CCNF: variants seen among roughly 807,000 people sequenced by gnomAD.
CCNF encodes the protein cyclin F.
Under a neutral mutation model 85.4 loss-of-function variants are expected in CCNF, and 30 were observed. The observed-to-expected ratio is 0.35, with a 90% CI of 0.26 to 0.48. CCNF has a LOEUF of 0.48. Ranked by LOEUF, CCNF falls within the 20% of genes least tolerant of loss-of-function variation. CCNF has a pLI of 0.99. For synonymous variants in CCNF, 439 were observed against 425.1 expected (o/e 1.03, Z -0.40); for missense variants, 919 against 1,010.4 (o/e 0.91, Z 1.23).
At chr16:2,455,365 T>C (rs2141832430) in intron 15 of CCNF, 30 bp from the exon 16 acceptor site, 1 of 1,550,872 alleles carries the variant, frequency 6.4e-7, no homozygotes, top group Non-Finnish European at 8.8e-7. Context: ...CGTCCATGAC[T>C]GGGTCTCCTG....
intron 3 of CCNF, among the ~76,000 whole-genome samples, chr16:2,434,366 G>C (rs1226423738): frequency 6.6e-6 from 1 of 152,140 alleles, no homozygotes; most frequent in Non-Finnish European, 1.5e-5. Flanking sequence ...TGTAATCCCA[G>C]CACTTTGGGA....
At chr16:2,435,561 G>T (rs1424338067) in intron 3 of CCNF, among the ~76,000 whole-genome samples, 2 of 150,570 alleles carry the variant, frequency 1.3e-5, no homozygotes, top group Admixed American at 1.3e-4. Flanking sequence ...CTCCAGCCTG[G>T]GCAACAGAGC....
At chr16:2,434,682 C>T (rs1479555226) in intron 3 of CCNF, among the ~76,000 whole-genome samples, 2 of 152,182 alleles carry the variant, frequency 1.3e-5, no homozygotes, top group Non-Finnish European at 2.9e-5. Flanking sequence ...GAGAGTTGTA[C>T]AGACATCACC....
At chr16:2,442,783 T>TG (rs1567386382) in intron 8 of CCNF, among the ~76,000 whole-genome samples, 1 of 6,252 alleles carries the variant, frequency 1.6e-4, no homozygotes, top group Non-Finnish European at 2.0e-4. Context: ...ATATATAATA[T>TG]TATATATTAT....
At chr16:2,432,884 C>A (rs1266650732) in intron 2 of CCNF, 77 bp from the exon 3 acceptor site, 1 of 798,110 alleles carries the variant, frequency 1.3e-6, no homozygotes, top group Non-Finnish European at 2.1e-6. Flanking sequence ...ATCTGCCTCT[C>A]GTCCTCAAGA....
In CCNF at chr16:2,445,621, C is replaced by G; in HGVS notation, c.1093C>G (p.Arg365Gly). ...CATCGCCTGCATGGTCATCTGCACC[C>G]GGTGAGAAGCCCCCTTGGCCCAGCT... ...LGIACMVICTRFISKEILTIR... is the reference protein window; with the variant it reads ...LGIACMVICTGFISKEILTIR... Residue 365 changes from arginine to glycine, a missense_variant and splice_region_variant, in exon 10 of 17, where the codon CGG (arginine) becomes GGG (glycine). By Grantham distance (125) the Arg-to-Gly change is moderately radical. Transcript: ENST00000397066. The G allele has an allele frequency of 6.2e-7, 1 of 1,611,056 alleles. No homozygotes were observed. Among genetic ancestry groups the G allele is most frequent in the Non-Finnish European group, 8.5e-7 (1 of 1,179,830 alleles).
chr16:2,438,241 G>A lies in CCNF; in HGVS notation c.594+118G>A, dbSNP rs1179014907. ...AGGCCCAAAACAAAAGGCAAGCCTT[G>A]CCCAGAAAGGCCTAGCTGGAGAAGC... On this transcript the variant is annotated intron_variant, in intron 6 of 16. Coordinates refer to ENST00000397066, the MANE Select transcript of CCNF (RefSeq NM_001761.3). The A allele has an allele frequency of 3.7e-6, 3 of 803,944 alleles. No homozygotes were observed. In the East Asian group the frequency reaches 7.4e-5, roughly 20 times the overall value. 49.8% of individuals were successfully genotyped at this position (803,944 alleles called of 1,614,324 possible). A position where few individuals can be genotyped will look rare whatever the true frequency, so the allele number is the denominator to read the frequency against.
Position 2,452,131 on chromosome 16 carries a change from T to C in CCNF, c.1488-1079T>C, listed in dbSNP as rs2141829169. Among the ~76,000 whole-genome samples the C allele has an allele frequency of 1.3e-5, 2 of 152,344 alleles. No homozygotes were observed. Among genetic ancestry groups the C allele is most frequent in the South Asian group, 4.1e-4 (2 of 4,832 alleles). The stretch of plus-strand genomic sequence containing the variant: ...GCGGCTGCCCGGCCTCCTGGAACAC[T>C]GTGGCAGCCGCCCCGCACATGTCCC... On this transcript the variant is annotated intron_variant, in intron 13 of 16. Coordinates refer to ENST00000397066, the MANE Select transcript of CCNF (RefSeq NM_001761.3). The surrounding 1 kb of genome is among the most constrained non-coding windows in gnomAD (Gnocchi z 4.1).
chr16:2,437,998 C>A, intron 5 of CCNF, 72 bp from the exon 6 acceptor site: 1 of 1,029,166 alleles, frequency 9.7e-7, no homozygotes, highest in Non-Finnish European at 1.5e-6. Flanking sequence ...GACCCAAAGA[C>A]AGACAAGGGA....
intron 8 of CCNF, among the ~76,000 whole-genome samples, chr16:2,442,858 A>G (rs1264400367): frequency 1.6e-5 from 1 of 61,294 alleles, no homozygotes; most frequent in African/African-American, 8.1e-5. Context: ...TATAATATAT[A>G]TTATATTATA....
chr16:2,443,120 T>C (rs2065341441), intron 8 of CCNF, among the ~76,000 whole-genome samples: 1 of 133,898 alleles, frequency 7.5e-6, no homozygotes, highest in South Asian at 2.1e-4. Context: ...ATATATTACA[T>C]ATTATATATT....
intron 4 of CCNF, 138 bp downstream of exon 4, chr16:2,436,011 G>A: frequency 3.5e-6 from 2 of 574,042 alleles, no homozygotes; most frequent in Non-Finnish European, 6.4e-6. Flanking sequence ...TTCCCTCTCA[G>A]GAGCTCGTGC....
At position 2,453,719 on chromosome 16, in the gene CCNF, C is replaced by T. The variant is rs1357035113; in HGVS notation, c.1715+182C>T. Among the ~76,000 whole-genome samples the T allele has an allele frequency of 6.6e-6, 1 of 152,226 alleles. No individual in the cohort carries two copies. Among genetic ancestry groups the T allele is most frequent in the Non-Finnish European group, 1.5e-5 (1 of 68,042 alleles). On this transcript the variant is annotated intron_variant, in intron 15 of 16. Transcript: ENST00000397066. The surrounding 1 kb of genome is among the most constrained non-coding windows in gnomAD (Gnocchi z 5.6). ...GCCTCGGGCCCCTGCGTAACCTCCA[C>T]TGTCTCCAGCCCAGGTCTCCTTCCT... is the stretch of plus-strand genomic sequence containing the variant.
In CCNF at chr16:2,453,618, CAG is replaced by C; in HGVS notation, c.1715+86_1715+87del. On this transcript the variant is annotated intron_variant, in intron 15 of 16. Transcript: ENST00000397066. The surrounding 1 kb of genome is among the most constrained non-coding windows in gnomAD (Gnocchi z 5.6). ...CCAGTTCCCTCAGCGCTTCCTCACA[CAG>C]AGAGGCCCCCAAGGCTTGTCAGGGG... is the stretch of plus-strand genomic sequence containing the variant. 1 of 1,556,470 alleles carries C rather than the reference CAG, an allele frequency of 6.4e-7. No individual in the cohort carries two copies. Among genetic ancestry groups the C allele is most frequent in the Non-Finnish European group, 8.8e-7 (1 of 1,138,606 alleles).
chr16:2,434,861 G>A (rs961145190), intron 3 of CCNF, among the ~76,000 whole-genome samples: 1 of 152,198 alleles, frequency 6.6e-6, no homozygotes, highest in East Asian at 1.9e-4. Flanking sequence ...CATGCAACAC[G>A]TGGTCTTTCG....
chr16:2,449,013 G>A (rs1442411915), intron 11 of CCNF, 35 bp downstream of exon 11: 8 of 1,602,000 alleles, frequency 5.0e-6, no homozygotes, highest in African/African-American at 1.3e-5. Context: ...ATTAATCTTC[G>A]TTGTCGCTGT....
At chr16:2,435,778 G>A (rs2065287700) in intron 3 of CCNF, 28 bp from the exon 4 acceptor site, 5 of 1,591,244 alleles carry the variant, frequency 3.1e-6, no homozygotes, top group Non-Finnish European at 4.3e-6. Context: ...ATAAAATATT[G>A]TGATGCTTTA....
Position 2,449,815 on chromosome 16 carries a change from C to T in CCNF, c.1400-13C>T. On this transcript the variant is annotated splice_polypyrimidine_tract_variant and intron_variant, in intron 12 of 16. Coordinates refer to ENST00000397066, the MANE Select transcript of CCNF (RefSeq NM_001761.3). ...CTCCATCCCCTCCACCCCTGGCCTG[C>T]TTTCCTCCCCAGCACAGCCCTGGAC... 1 of 1,591,048 alleles carries T rather than the reference C, an allele frequency of 6.3e-7. No individual in the cohort carries two copies. The highest frequency in any genetic ancestry group is 2.2e-5 in the East Asian group (1 of 44,708).
chr16:2,455,341 C>T (rs1298667363), intron 15 of CCNF, 54 bp from the exon 16 acceptor site: 3 of 1,491,512 alleles, frequency 2.0e-6, no homozygotes, highest in Non-Finnish European at 2.7e-6. Flanking sequence ...GAGGGCCTGG[C>T]CTCCCAGCGC....
Sources: gnomAD v4.1 joint callset for allele counts (sites outside exome capture counted in the v4.1 genomes callset) on GRCh38, gnomAD v4.1.1 for gene constraint, Gnocchi (gnomAD v3.1) non-coding constraint, MANE v1.5 for transcripts, NCBI Gene and HGNC (gene_info 2026-07-23, HGNC 2026-07-21) for gene names.